Variants in EEFSEC observed in about 807,000 individuals in gnomAD.
EEFSEC encodes the protein selenocysteine-specific elongation factor.
A neutral mutation model predicts 42.1 loss-of-function variants in EEFSEC; 43 were observed. The ratio of observed to expected loss-of-function variants is 1.02; its 90% confidence interval spans 0.80 to 1.32. The LOEUF (loss-of-function observed/expected upper bound fraction) is 1.32, where lower values mean the gene tolerates loss of function less well. Among genes scored for constraint, EEFSEC ranks in the 40% most tolerant of loss-of-function variants. EEFSEC has a pLI of 0.00. For synonymous variants in EEFSEC, 354 were observed against 339.1 expected, an observed-to-expected ratio of 1.04 and a Z score of -0.48; for missense variants, 745 against 803.6, an observed-to-expected ratio of 0.93 and a Z score of 0.88.
At chr3:128,189,858 A>G (rs997429973) in intron 1 of EEFSEC, among the ~76,000 whole-genome samples, 1 of 147,956 alleles carries the variant, frequency 6.8e-6, no homozygotes, top group East Asian at 2.0e-4. Context: ...GCCTCCTTCT[A>G]CTTCCTTTTG....
At chr3:128,315,715 C>G (rs925875250) in intron 4 of EEFSEC, among the ~76,000 whole-genome samples, 6 of 152,230 alleles carry the variant, frequency 3.9e-5, no homozygotes, top group Admixed American at 3.9e-4. Context: ...TTCTTGAAAA[C>G]TGCATACTCG....
intron 2 of EEFSEC, among the ~76,000 whole-genome samples, chr3:128,248,830 G>A (rs984535803): frequency 1.3e-5 from 2 of 152,190 alleles, no homozygotes; most frequent in Admixed American, 1.3e-4. Context: ...TCATTTGCTT[G>A]TGAAAATTAC....
chr3:128,383,263 C>T (rs1394031751), intron 6 of EEFSEC, among the ~76,000 whole-genome samples: 1 of 152,240 alleles, frequency 6.6e-6, no homozygotes, highest in African/African-American at 2.4e-5. Flanking sequence ...AAATAACTCA[C>T]ACCATGCTGG....
intron 4 of EEFSEC, among the ~76,000 whole-genome samples, chr3:128,310,612 A>G (rs751690670): frequency 6.6e-6 from 1 of 152,254 alleles, no homozygotes; most frequent in Non-Finnish European, 1.5e-5. Flanking sequence ...CTGTACAGAT[A>G]GACTGTATCA....
chr3:128,304,159 G>A (rs893195274), intron 4 of EEFSEC, among the ~76,000 whole-genome samples: 4 of 150,542 alleles, frequency 2.7e-5, no homozygotes, highest in Non-Finnish European at 5.9e-5. Context: ...AGTGTCTGTA[G>A]CTACTGGTGC....
intron 4 of EEFSEC, among the ~76,000 whole-genome samples, chr3:128,281,970 C>T (rs2066530780): frequency 1.3e-5 from 2 of 152,224 alleles, no homozygotes; most frequent in Non-Finnish European, 2.9e-5. Flanking sequence ...GAATGGATTT[C>T]TGACAGGAGA....
chr3:128,276,018 GC>G (rs2066464585), intron 4 of EEFSEC, among the ~76,000 whole-genome samples: 1 of 152,094 alleles, frequency 6.6e-6, no homozygotes, highest in African/African-American at 2.4e-5. Flanking sequence ...TCCCCACTCC[GC>G]CCCCTCATGC....
chr3:128,226,134 A>C (rs918579759), intron 1 of EEFSEC, among the ~76,000 whole-genome samples: 1 of 152,194 alleles, frequency 6.6e-6, no homozygotes, highest in African/African-American at 2.4e-5. Flanking sequence ...TGATCCTTTT[A>C]GAGTGACTGG....
At chr3:128,243,536 G>A (rs1168032284) in intron 1 of EEFSEC, among the ~76,000 whole-genome samples, 1 of 152,254 alleles carries the variant, frequency 6.6e-6, no homozygotes, top group Admixed American at 6.5e-5. Flanking sequence ...CATTAGTCCA[G>A]CAACGATGTA....
At chr3:128,349,815 C>T (rs1303719696) in intron 5 of EEFSEC, among the ~76,000 whole-genome samples, 1 of 152,260 alleles carries the variant, frequency 6.6e-6, no homozygotes, top group Non-Finnish European at 1.5e-5. Context: ...GGTCCCAGGA[C>T]ATGGCAGGTA....
the EEFSEC span, among the ~76,000 whole-genome samples, chr3:128,419,965 A>G: frequency 6.6e-6 from 1 of 152,216 alleles, no homozygotes; most frequent in Non-Finnish European, 1.5e-5. Context: ...GAGGGGGGAC[A>G]GCCAAGACCC....
chr3:128,169,939 G>A (rs930818483), intron 1 of EEFSEC, among the ~76,000 whole-genome samples: 2 of 152,182 alleles, frequency 1.3e-5, no homozygotes, highest in Non-Finnish European at 1.5e-5. Context: ...CTCTTGGGCT[G>A]AAGGCAATGC....
chr3:128,221,226 A>T (rs1301624407), intron 1 of EEFSEC, among the ~76,000 whole-genome samples: 2 of 152,254 alleles, frequency 1.3e-5, no homozygotes, highest in South Asian at 2.1e-4. Flanking sequence ...AAGAAAAAAT[A>T]TGCAGCCAGG....
rs77863601 is a variant in EEFSEC at position 128,281,401 on chromosome 3, C to G, written c.786+16620C>G. On this transcript the variant is annotated intron_variant, in intron 4 of 6. Coordinates refer to ENST00000254730, the MANE Select transcript of EEFSEC (RefSeq NM_021937.5). ...ATTTGGGGTCTTGAGAGAGAAGGGG[C>G]CTGATGTGGTGTGGCAGCCTCCAGC... Among the ~76,000 whole-genome samples the G allele has an allele frequency of 7.2e-3, 1,096 of 152,232 alleles. 10 individuals carry two copies. Among genetic ancestry groups the G allele is most frequent in the Non-Finnish European group, 0.012 (840 of 68,018 alleles).
Position 128,247,013 on chromosome 3 carries a change from A to G in EEFSEC, c.494A>G (p.Lys165Arg). The change falls in exon 2 of 7, where the codon AAG becomes AGG. Residue 165 changes from lysine (K) to arginine (R), a missense_variant. Transcript: ENST00000254730. Reference sequence around the variant, plus strand: ...CAGGCAGCAATTGATAAAATGACCAAGAAAATGCAGAAGACCCTAGAGAAC... The same window carrying G: ...CAGGCAGCAATTGATAAAATGACCAGGAAAATGCAGAAGACCCTAGAGAAC... ...KRQAAIDKMT[K>R]KMQKTLENTK... The G allele has an allele frequency of 1.2e-6, 2 of 1,614,172 alleles. No individual in the cohort carries two copies. Among genetic ancestry groups the G allele is most frequent in the Non-Finnish European group, 1.7e-6 (2 of 1,180,038 alleles).
chr3:128,273,944 C>T (rs2066440712), intron 4 of EEFSEC, among the ~76,000 whole-genome samples: 1 of 152,178 alleles, frequency 6.6e-6, no homozygotes, highest in South Asian at 2.1e-4. Context: ...CCCACTTGGG[C>T]CCAGGTTGAC....
intron 1 of EEFSEC, among the ~76,000 whole-genome samples, chr3:128,238,872 G>A (rs766890659): frequency 9.9e-5 from 15 of 152,204 alleles, no homozygotes; most frequent in South Asian, 2.1e-4. Flanking sequence ...AGTTACTTCC[G>A]GTTCTTGGAG....
chr3:128,246,975 T>C lies in EEFSEC; in HGVS notation c.456T>C (p.Pro152=). ...TGCTGAACAAAATAGACCTCTTACC[T>C]GAAGGAAAGAGACAGGCAGCAATTG... is the stretch of plus-strand genomic sequence containing the variant. The part of the protein sequence containing the change: ...VVVLNKIDLL[P]EGKRQAAIDK... The change falls in exon 2 of 7, where the codon CCT becomes CCC. Residue 152 remains proline (P), a synonymous_variant. Coordinates refer to ENST00000254730, the MANE Select transcript of EEFSEC (RefSeq NM_021937.5). 1.2e-6 allele frequency: 2 copies of C among 1,614,078 alleles called. No individual in the cohort carries two copies. Among genetic ancestry groups the C allele is most frequent in the South Asian group, 1.1e-5 (1 of 91,072 alleles).
At position 128,188,231 on chromosome 3, in the gene EEFSEC, A is replaced by G. The variant is rs2065484431; in HGVS notation, c.316+34408A>G. Among the ~76,000 whole-genome samples the G allele has an allele frequency of 5.9e-5, 9 of 152,266 alleles. No homozygotes were observed. In the South Asian group the frequency reaches 1.9e-3, roughly 32 times the overall value. ...CTCTCCAGACTGGGAGACTAGCTCT[A>G]GGTAGAGGGTACAGTGCAGTTTCAA... is the stretch of plus-strand genomic sequence containing the variant. On this transcript the variant is annotated intron_variant, in intron 1 of 6. Transcript: ENST00000254730.
Sources: gnomAD v4.1 joint callset for allele counts (sites outside exome capture counted in the v4.1 genomes callset) on GRCh38, gnomAD v4.1.1 for gene constraint, MANE v1.5 for transcripts, NCBI Gene and HGNC (gene_info 2026-07-23, HGNC 2026-07-21) for gene names.